The following MCF2L variants were observed in gnomAD, a reference collection of about 807,000 sequenced individuals.
MCF2L encodes guanine nucleotide exchange factor DBS.
MCF2L carries 97 observed loss-of-function variants against 153.4 expected under a neutral mutation model. The ratio of observed to expected loss-of-function variants is 0.63; its 90% CI spans 0.54 to 0.75. MCF2L has a LOEUF of 0.75. Among genes scored for constraint, MCF2L ranks in the 30% least tolerant of loss-of-function variants. The probability of loss-of-function intolerance (pLI) is 0.00; values close to 1 mark genes in which losing one functional copy is unlikely to be tolerated. For synonymous variants in MCF2L, 659 were observed against 632.2 expected (o/e 1.04, Z -0.64); for missense variants, 1,347 against 1,495.2 (o/e 0.90, Z 1.64).
In MCF2L at chr13:112,926,426, G is replaced by A. The variant is rs183679046; in HGVS notation, c.169+24055G>A. The stretch of plus-strand genomic sequence containing the variant: ...CTACATATACAGCGGAGTGCAGTAC[G>A]GCCTGGTTTCTATACACAGCGGAGT... On this transcript the variant is annotated intron_variant, in intron 2 of 29. Transcript: ENST00000375608. 1.9e-3 allele frequency among the ~76,000 whole-genome samples: 281 copies of A among 151,638 alleles called. 1 individual carries two copies. The highest frequency in any genetic ancestry group is 3.4e-3 in the Middle Eastern group (1 of 290).
chr13:112,968,559 G>A, upstream of MCF2L: 1 of 1,546,124 alleles, frequency 6.5e-7, no homozygotes, highest in Non-Finnish European at 8.7e-7. Context: ...GGAGGGGCTG[G>A]TCCATCCCCG....
intron 3 of MCF2L, among the ~76,000 whole-genome samples, chr13:113,038,552 A>G (rs550686687): frequency 2.4e-4 from 36 of 152,316 alleles, no homozygotes; most frequent in Non-Finnish European, 5.0e-4. Context: ...AATTAGTATT[A>G]TAACAATGTT....
At chr13:113,047,069 A>G (rs746765892) in intron 4 of MCF2L, 48 of 162,664 alleles carry the variant, frequency 3.0e-4, no homozygotes, top group Non-Finnish European at 6.0e-4. Flanking sequence ...TCACATGGTG[A>G]GAGAGGGAGC....
chr13:113,013,222 C>T (rs961622992), intron 1 of MCF2L, among the ~76,000 whole-genome samples: 1 of 152,220 alleles, frequency 6.6e-6, no homozygotes, highest in Non-Finnish European at 1.5e-5. Context: ...GATAGTATTT[C>T]ATGCTTTACT....
At chr13:113,061,715 C>CTTCCCT (rs2031465127) in intron 5 of MCF2L, among the ~76,000 whole-genome samples, 1 of 88,822 alleles carries the variant, frequency 1.1e-5, no homozygotes, top group Non-Finnish European at 2.4e-5. Flanking sequence ...CTTGCCCTCC[C>CTTCCCT]CTCCCCCTTG....
In MCF2L at chr13:113,096,421, T is replaced by A. The variant is rs1431399991; in HGVS notation, c.3126T>A (p.Asp1042Glu). Reference protein sequence around the residue: ...VVADHEKGGPDALRVRSGDVV... With the variant: ...VVADHEKGGPEALRVRSGDVV... ...CGGACCACGAGAAGGGAGGCCCCGA[T>A]GCGCTGCGCGTGAGGAGCGGGGACG... is the stretch of plus-strand genomic sequence containing the variant. Residue 1042 changes from aspartate to glutamate, a missense_variant, in exon 28 of 30, where the codon GAT becomes GAA. By Grantham distance (45) the Asp-to-Glu change is conservative (BLOSUM62 2). Transcript: ENST00000535094. 1 of 1,596,570 alleles carries A rather than the reference T, an allele frequency of 6.3e-7. No individual in the cohort carries two copies. The highest frequency in any genetic ancestry group is 1.3e-5 in the African/African-American group (1 of 74,692).
At chr13:112,959,670 T>C (rs1434725900) in intron 2 of MCF2L, among the ~76,000 whole-genome samples, 1 of 152,178 alleles carries the variant, frequency 6.6e-6, no homozygotes, top group Non-Finnish European at 1.5e-5. Context: ...GAATATCTCA[T>C]TCCTCTAGCA....
rs11838794 is a variant in MCF2L at position 112,983,872 on chromosome 13, A to C, written c.79+14414A>C. ...TGCAGCTGTTTTCCTTGGGTTGAGC[A>C]CTGAAAAGAGCCCCTTTGGGTTAGG... On this transcript the variant is annotated intron_variant, in intron 1 of 29. Transcript: ENST00000535094. This position sits in a 1 kb window ranked among gnomAD's most constrained non-coding sequence, Gnocchi z 4.0. 0.015 allele frequency among the ~76,000 whole-genome samples: 2,236 copies of C among 152,250 alleles called. 60 individuals carry two copies. Among genetic ancestry groups the C allele is most frequent in the African/African-American group, 0.052 (2,151 of 41,534 alleles).
At chr13:113,078,610 G>A in intron 14 of MCF2L, 56 bp from the exon 15 acceptor site, 1 of 1,522,668 alleles carries the variant, frequency 6.6e-7, no homozygotes, top group Non-Finnish European at 9.0e-7. Flanking sequence ...GGCCTTGAGA[G>A]TTGGCCCTTG....
intron 2 of MCF2L, among the ~76,000 whole-genome samples, chr13:112,908,745 T>TC (rs2081199019): frequency 1.3e-5 from 2 of 151,014 alleles, no homozygotes; most frequent in South Asian, 4.2e-4. Flanking sequence ...TTTTTTTGTT[T>TC]TTTTTTGAGA....
At chr13:113,066,273 G>C in intron 8 of MCF2L, 103 bp downstream of exon 8, 2 of 1,366,880 alleles carry the variant, frequency 1.5e-6, no homozygotes, top group Non-Finnish European at 1.9e-6. Flanking sequence ...GAAATAGCAA[G>C]CAGCGTGGCA....
chr13:112,933,031 A>AAAATAAAT (rs71208922), intron 2 of MCF2L, among the ~76,000 whole-genome samples: 127 of 150,930 alleles, frequency 8.4e-4, no homozygotes, highest in Middle Eastern at 3.4e-3. Context: ...GCTCCATCTC[A>AAAATAAAT]AAATAAATAA....
chr13:113,012,238 CGATG>C (rs2084190258), intron 1 of MCF2L, among the ~76,000 whole-genome samples: 1 of 85,278 alleles, frequency 1.2e-5, no homozygotes, highest in Non-Finnish European at 2.5e-5. Flanking sequence ...GTGGACACTG[CGATG>C]AGGACGGTGG....
At chr13:112,949,414 C>G (rs1279950418) in intron 2 of MCF2L, among the ~76,000 whole-genome samples, 1 of 151,950 alleles carries the variant, frequency 6.6e-6, no homozygotes, top group African/African-American at 2.4e-5. Flanking sequence ...ATACCAAAAC[C>G]AGACAAAAAC....
intron 26 of MCF2L, 44 bp from the exon 27 acceptor site, chr13:113,094,470 G>A (rs756862144): frequency 2.4e-5 from 38 of 1,575,988 alleles, no homozygotes; most frequent in Admixed American, 5.4e-5. Flanking sequence ...TGCAGACAGC[G>A]GCTCATCACC....
At position 113,035,623 on chromosome 13, in the gene MCF2L, C is replaced by T. The variant is rs763780943; in HGVS notation, c.279-9648C>T. Among the ~76,000 whole-genome samples the T allele has an allele frequency of 6.6e-6, 1 of 152,296 alleles. No homozygotes were observed. The stretch of plus-strand genomic sequence containing the variant: ...GTGTCCCCCAGGACAGCTTCGTGGC[C>T]GGCCGCCTCCATGGATTCGGGTGGG... On this transcript the variant is annotated intron_variant, in intron 3 of 29. Coordinates refer to ENST00000535094, the MANE Select transcript of MCF2L (RefSeq NM_001112732.3). This position sits in a 1 kb window ranked among gnomAD's most constrained non-coding sequence, Gnocchi z 4.4.
chr13:113,084,851 C>T (rs2034484989), intron 18 of MCF2L, 41 bp from the exon 19 acceptor site: 2 of 1,474,184 alleles, frequency 1.4e-6, no homozygotes, highest in South Asian at 1.1e-5. Context: ...ATGCGCTGCC[C>T]ATCCCTCACT....
At chr13:113,000,756 GC>G (rs1457211594) in intron 1 of MCF2L, among the ~76,000 whole-genome samples, 1 of 152,252 alleles carries the variant, frequency 6.6e-6, no homozygotes, top group Non-Finnish European at 1.5e-5. Flanking sequence ...GCTGTGCTGT[GC>G]TGGGCACACG....
chr13:113,024,752 T>A lies in MCF2L; in HGVS notation c.272T>A (p.Ile91Asn). The A allele has an allele frequency of 1.2e-6, 2 of 1,613,354 alleles. No homozygotes were observed. Among genetic ancestry groups the A allele is most frequent in the South Asian group, 2.2e-5 (2 of 91,076 alleles). ...AATGTCATGACCTACCTCACCAGCATCCCCAGGTACGTGCACCCAGAGCCC... is the reference window on the plus strand; with the variant it reads ...AATGTCATGACCTACCTCACCAGCAACCCCAGGTACGTGCACCCAGAGCCC... ...FQNVMTYLTS[I>N]PSLQDAGIGF... The change falls in exon 3 of 30, where the codon ATC becomes AAC. Residue 91 changes from isoleucine (I) to asparagine (N), a missense_variant. Physicochemically the swap from Ile to Asn is moderately radical, Grantham distance 149. Coordinates refer to ENST00000535094, the MANE Select transcript of MCF2L (RefSeq NM_001112732.3).
Sources: allele counts gnomAD v4.1 joint callset (sites outside exome capture counted in the v4.1 genomes callset), GRCh38; gene constraint gnomAD v4.1.1; non-coding constraint Gnocchi (gnomAD v3.1); transcripts MANE v1.5; gene names NCBI Gene and HGNC (gene_info 2026-07-23, HGNC 2026-07-21).